The following EPHA8 variants were observed in gnomAD, a reference collection of about 807,000 sequenced individuals.
EPHA8 encodes EPH receptor A8.
In EPHA8, 58 loss-of-function variants were observed where a neutral mutation model predicts 103.6. That is an observed-to-expected ratio of 0.56 (90% CI 0.45 to 0.70). EPHA8 has a LOEUF of 0.70. Ranked by LOEUF, EPHA8 falls within the 30% of genes least tolerant of loss-of-function variation. The pLI, the probability that EPHA8 is intolerant of heterozygous loss-of-function variation, is 0.00. For synonymous variants in EPHA8, 559 were observed against 572.5 expected (o/e 0.98, Z 0.34); for missense variants, 1,304 against 1,395.2 (o/e 0.93, Z 1.04).
At chr1:22,601,261 G>A (rs750200959) in intron 15 of EPHA8, 39 bp from the exon 16 acceptor site, 21 of 1,570,824 alleles carry the variant, frequency 1.3e-5, no homozygotes, top group Admixed American at 8.2e-5. Context: ...CCAGCCTCCC[G>A]AACCCTCTGG....
In EPHA8 at chr1:22,577,178, A is replaced by G. The variant is rs146668714; in HGVS notation, c.823+298A>G. Among the ~76,000 whole-genome samples the G allele has an allele frequency of 7.2e-5, 11 of 152,304 alleles. No homozygotes were observed. The East Asian group carries it at 1.9e-3, about 27-fold the overall frequency. On this transcript the variant is annotated intron_variant, in intron 3 of 16. Coordinates refer to ENST00000166244, the MANE Select transcript of EPHA8 (RefSeq NM_020526.5). ...GCTAAAGGCACCTGTGCAATTGGGT[A>G]TGCTATGGGATTCCTACCCGGATTA... is the stretch of plus-strand genomic sequence containing the variant.
intron 3 of EPHA8, among the ~76,000 whole-genome samples, chr1:22,578,068 AGTATGTATGCAT>A (rs1640802226): frequency 5.1e-5 from 1 of 19,498 alleles, no homozygotes. Context: ...TGTGTGCATG[AGTATGTATGCAT>A]GTGTGTGCAT....
At chr1:22,579,317 A>T (rs1026996794) in intron 3 of EPHA8, among the ~76,000 whole-genome samples, 1 of 148,030 alleles carries the variant, frequency 6.8e-6, no homozygotes, top group Non-Finnish European at 1.5e-5. Flanking sequence ...ATGAGTGTAT[A>T]TATGCATGTG....
At chr1:22,592,167 A>G (rs1186754428) in intron 5 of EPHA8, among the ~76,000 whole-genome samples, 1 of 147,760 alleles carries the variant, frequency 6.8e-6, no homozygotes, top group African/African-American at 2.5e-5. Context: ...TCTACAACCA[A>G]CTCCTCCCTG....
chr1:22,590,808 C>T (rs2148255851), intron 5 of EPHA8, among the ~76,000 whole-genome samples: 1 of 152,270 alleles, frequency 6.6e-6, no homozygotes, highest in South Asian at 2.1e-4. Context: ...GACCTCTCCC[C>T]TAGGACCCAG....
At chr1:22,587,486 TG>T (rs2148250754) in intron 4 of EPHA8, among the ~76,000 whole-genome samples, 1 of 152,220 alleles carries the variant, frequency 6.6e-6, no homozygotes, top group Non-Finnish European at 1.5e-5. Flanking sequence ...CCTGAAGGTA[TG>T]GGGGGATTCT....
rs1569965693 is a variant in EPHA8, at chr1:22,576,960, A to G, written c.823+80A>G. The G allele has an allele frequency of 6.9e-7, 1 of 1,457,460 alleles. No homozygotes were observed. The highest frequency in any genetic ancestry group is 1.4e-5 in the African/African-American group (1 of 71,004). The allele number at this position is 1,457,460 out of a possible 1,614,324, so 90.3% of individuals were successfully genotyped here. ...CAGGGCTGCCAGGGTGTAAGGGGGGACGTCAGAGCCCACAGGCACCTGAGT... is the reference window on the plus strand; with the variant it reads ...CAGGGCTGCCAGGGTGTAAGGGGGGGCGTCAGAGCCCACAGGCACCTGAGT... On this transcript the variant is annotated intron_variant, in intron 3 of 16. Transcript: ENST00000166244. This position sits in a 1 kb window ranked among gnomAD's most constrained non-coding sequence, Gnocchi z 4.8.
chr1:22,600,188 G>A lies in EPHA8; in HGVS notation c.2389-473G>A, dbSNP rs192845640. Among the ~76,000 whole-genome samples the A allele has an allele frequency of 7.9e-4, 103 of 130,944 alleles. 2 individuals are homozygous for A. The highest frequency in any genetic ancestry group is 1.4e-3 in the Non-Finnish European group (85 of 60,690). 85.9% of individuals were successfully genotyped at this position (130,944 alleles called of 152,430 possible). On this transcript the variant is annotated intron_variant, in intron 13 of 16. Transcript: ENST00000166244. ...AGGCAGGAAGGAAGGAAAGAAGGAG[G>A]GAAGGAAAGGAGGGAGGGAGGAAGG...
At chr1:22,565,272 C>A (rs2124504406) in intron 1 of EPHA8, among the ~76,000 whole-genome samples, 1 of 152,324 alleles carries the variant, frequency 6.6e-6, no homozygotes, top group Admixed American at 6.5e-5. Context: ...CATAGTCTCC[C>A]ATGAGCCCAG....
At chr1:22,586,010 C>G (rs545702104) in intron 3 of EPHA8, among the ~76,000 whole-genome samples, 1 of 152,298 alleles carries the variant, frequency 6.6e-6, no homozygotes, top group Non-Finnish European at 1.5e-5. Flanking sequence ...CATCCCTGGC[C>G]TGCTTCCTCA....
At chr1:22,594,967 G>T (rs997449409) in intron 7 of EPHA8, among the ~76,000 whole-genome samples, 1 of 152,154 alleles carries the variant, frequency 6.6e-6, no homozygotes, top group Non-Finnish European at 1.5e-5. Context: ...ACTCTTCTCC[G>T]GTACCACAGC....
chr1:22,571,623 G>A (rs1640546942), intron 2 of EPHA8, among the ~76,000 whole-genome samples: 1 of 152,214 alleles, frequency 6.6e-6, no homozygotes, highest in Admixed American at 6.5e-5. Flanking sequence ...TTCTCGGAGA[G>A]GAGAGAAGGC....
At chr1:22,578,041 ATGTGCATGTG>A (rs1260455226) in intron 3 of EPHA8, among the ~76,000 whole-genome samples, 6 of 5,064 alleles carry the variant, frequency 1.2e-3, no homozygotes, top group South Asian at 0.013. Context: ...ATGTGTATGT[ATGTGCATGTG>A]TGTGCATGTG....
Position 22,597,323 on chromosome 1 carries a change from G to A in EPHA8, c.1777G>A (p.Val593Ile). The change falls in exon 10 of 17, where the codon GTC (valine) becomes ATC (isoleucine). Residue 593 changes from valine to isoleucine, a missense_variant. Val to Ile is a conservative substitution (Grantham distance 29). Coordinates refer to ENST00000166244, the MANE Select transcript of EPHA8 (RefSeq NM_020526.5). The surrounding 1 kb of genome is among the most constrained non-coding windows in gnomAD (Gnocchi z 4.6). ...CTCCCGCCCCTCAGCACCCCCACCT[G>A]TCTTCCTGCCTCTGCATCACCCCCC... ...HYQNGQAPPPVFLPLHHPPGK... is the reference protein window; with the variant it reads ...HYQNGQAPPPIFLPLHHPPGK... 6.3e-7 allele frequency: 1 copy of A among 1,596,202 alleles called. No individual in the cohort carries two copies. The highest frequency in any genetic ancestry group is 8.6e-7 in the Non-Finnish European group (1 of 1,168,284).
At chr1:22,592,861 A>C (rs1294020343) in intron 5 of EPHA8, among the ~76,000 whole-genome samples, 1 of 152,000 alleles carries the variant, frequency 6.6e-6, no homozygotes, top group Non-Finnish European at 1.5e-5. Flanking sequence ...GTGGGCGGGC[A>C]ACCAAGTGTG....
chr1:22,571,703 G>T (rs1353899213), intron 2 of EPHA8, among the ~76,000 whole-genome samples: 1 of 152,168 alleles, frequency 6.6e-6, no homozygotes, highest in Non-Finnish European at 1.5e-5. Context: ...GAGGCATGCA[G>T]AGTCCCACAT....
At position 22,576,697 on chromosome 1, in the gene EPHA8, T is replaced by C; in HGVS notation, c.640T>C (p.Phe214Leu). ...TGCCATGGTGCGCAATCTGGCTGCC[T>C]TCTCGGAGGCAGTGACGGGGGCCGA... ...CPAMVRNLAA[F>L]SEAVTGADSS... The change falls in exon 3 of 17, where the codon TTC (phenylalanine) becomes CTC (leucine). Residue 214 changes from phenylalanine to leucine, a missense_variant. Transcript: ENST00000166244. The surrounding 1 kb of genome is among the most constrained non-coding windows in gnomAD (Gnocchi z 4.8). The C allele has an allele frequency of 6.2e-7, 1 of 1,613,918 alleles. No individual in the cohort carries two copies. Among genetic ancestry groups the C allele is most frequent in the Non-Finnish European group, 8.5e-7 (1 of 1,180,030 alleles).
In EPHA8 at chr1:22,591,316, C is replaced by T. The variant is rs560848016; in HGVS notation, c.1316-2010C>T. On this transcript the variant is annotated intron_variant, in intron 5 of 16. Coordinates refer to ENST00000166244, the MANE Select transcript of EPHA8 (RefSeq NM_020526.5). ...CACGGCTCACTGCAGTCTTGATCTCCGGAGCCCAAGTGATCCTCCCACCTC... is the reference window on the plus strand; with the variant it reads ...CACGGCTCACTGCAGTCTTGATCTCTGGAGCCCAAGTGATCCTCCCACCTC... Among the ~76,000 whole-genome samples, 31 of 152,234 alleles carry T rather than the reference C, an allele frequency of 2.0e-4. No homozygotes were observed. In the East Asian group the frequency reaches 3.7e-3, roughly 18 times the overall value.
At chr1:22,566,774 G>A (rs139657800) in intron 1 of EPHA8, among the ~76,000 whole-genome samples, 17 of 152,186 alleles carry the variant, frequency 1.1e-4, no homozygotes, top group African/African-American at 4.1e-4. Flanking sequence ...TAATGGTGGC[G>A]TTCTCTTCAG....
Sources: gnomAD v4.1 joint callset for allele counts (sites outside exome capture counted in the v4.1 genomes callset) on GRCh38, gnomAD v4.1.1 for gene constraint, Gnocchi (gnomAD v3.1) non-coding constraint, MANE v1.5 for transcripts, NCBI Gene and HGNC (gene_info 2026-07-23, HGNC 2026-07-21) for gene names.